Variants in MBOAT1 observed in about 807,000 individuals in gnomAD.
MBOAT1 encodes the protein membrane bound glycerophospholipid O-acyltransferase 1, also known as membrane-bound glycerophospholipid O-acyltransferase 1.
Under a neutral mutation model 64.4 loss-of-function variants are expected in MBOAT1, and 67 were observed. The ratio of observed to expected loss-of-function variants is 1.04; its 90% confidence interval spans 0.85 to 1.27. MBOAT1 has a LOEUF of 1.27. Among genes scored for constraint, MBOAT1 ranks in the 50% most tolerant of loss-of-function variants. The pLI, the probability that MBOAT1 is intolerant of heterozygous loss-of-function variation, is 0.00. For missense variants in MBOAT1, 563 were observed against 604.6 expected, an observed-to-expected ratio of 0.93 and a Z score of 0.72; for synonymous variants, 229 against 218.9, an observed-to-expected ratio of 1.05 and a Z score of -0.41.
chr6:20,109,726 G>A lies in MBOAT1; in HGVS notation c.1233C>T (p.Tyr411=). The change falls in exon 12 of 13, where the codon TAC becomes TAT. Residue 411 remains tyrosine (Y), a synonymous_variant. Coordinates refer to ENST00000324607, the MANE Select transcript of MBOAT1 (RefSeq NM_001080480.3). The part of the protein sequence containing the change: ...ARAVRNNYRH[Y]FLSSRALKAV... ...CCTTGAGAGCTCTTGAAGAAAGGAA[G>A]TAATGTCTGTAGTTGTTCCTGACCT... 1 of 1,614,056 alleles carries A rather than the reference G, an allele frequency of 6.2e-7. No homozygotes were observed. The highest frequency in any genetic ancestry group is 8.5e-7 in the Non-Finnish European group (1 of 1,179,974).
At chr6:20,168,533 G>GAGAGGAGAGA (rs1762080298) in intron 1 of MBOAT1, among the ~76,000 whole-genome samples, 1 of 139,284 alleles carries the variant, frequency 7.2e-6, no homozygotes, top group African/African-American at 2.8e-5. Context: ...GAGAGAAGAG[G>GAGAGGAGAGA]AGAGGAGAGG....
chr6:20,189,049 C>T (rs1762732840), intron 1 of MBOAT1, among the ~76,000 whole-genome samples: 1 of 152,022 alleles, frequency 6.6e-6, no homozygotes, highest in Non-Finnish European at 1.5e-5. Flanking sequence ...CACACAGAGC[C>T]CAGGAACCCA....
At chr6:20,211,872 A>G (rs1157416921) in intron 1 of MBOAT1, among the ~76,000 whole-genome samples, 1 of 152,084 alleles carries the variant, frequency 6.6e-6, no homozygotes, top group Non-Finnish European at 1.5e-5. Context: ...CCCAAACTTA[A>G]AGAAAAAAAA....
At chr6:20,135,247 G>T (rs896052634) in intron 4 of MBOAT1, among the ~76,000 whole-genome samples, 2 of 151,994 alleles carry the variant, frequency 1.3e-5, no homozygotes, top group African/African-American at 4.8e-5. Flanking sequence ...AAAATCTTAT[G>T]TTTCTTCTTG....
rs1430802922 is a variant in MBOAT1, at chr6:20,099,905, T to C, written c.*2381A>G. 6.6e-6 allele frequency among the ~76,000 whole-genome samples: 1 copy of C among 152,214 alleles called. No homozygotes were observed. The highest frequency in any genetic ancestry group is 1.5e-5 in the Non-Finnish European group (1 of 68,034). On this transcript the variant is annotated 3_prime_UTR_variant, in exon 13 of 13. Transcript: ENST00000324607. Reference sequence around the variant, plus strand: ...TCAGAAGAAAAAGGATGCTAATCAGTCTCCTATGTGTTGTTCTTTTTATAC... The same window carrying C: ...TCAGAAGAAAAAGGATGCTAATCAGCCTCCTATGTGTTGTTCTTTTTATAC...
At chr6:20,142,559 C>CAT (rs1302266755) in intron 4 of MBOAT1, among the ~76,000 whole-genome samples, 1 of 152,152 alleles carries the variant, frequency 6.6e-6, no homozygotes, top group African/African-American at 2.4e-5. Flanking sequence ...AAGTGATTCT[C>CAT]ATGCCTCAGC....
chr6:20,160,042 T>C (rs1008038658), intron 1 of MBOAT1, among the ~76,000 whole-genome samples: 6 of 152,158 alleles, frequency 3.9e-5, no homozygotes, highest in Non-Finnish European at 7.3e-5. Flanking sequence ...AAGACTGACA[T>C]AGCTCAGATT....
chr6:20,102,208 C>A lies in MBOAT1; in HGVS notation c.*78G>T, dbSNP rs80284069. 32 of 1,490,588 alleles carry A rather than the reference C, an allele frequency of 2.1e-5. No individual in the cohort carries two copies. Among genetic ancestry groups the A allele is most frequent in the Non-Finnish European group, 2.7e-5 (30 of 1,102,822 alleles). The allele number at this position is 1,490,588 out of a possible 1,614,324, so 92.3% of individuals were successfully genotyped here. A position where few individuals can be genotyped will look rare whatever the true frequency, so the allele number is the denominator to read the frequency against. On this transcript the variant is annotated 3_prime_UTR_variant, in exon 13 of 13. Coordinates refer to ENST00000324607, the MANE Select transcript of MBOAT1 (RefSeq NM_001080480.3). ...CATGTAAACATCGCCTCTAAGCCAC[C>A]GGAGGAGCCCTTGAAGCCTTGTCAT...
intron 4 of MBOAT1, among the ~76,000 whole-genome samples, chr6:20,132,245 T>C (rs945451189): frequency 6.6e-6 from 1 of 152,124 alleles, no homozygotes; most frequent in Non-Finnish European, 1.5e-5. Context: ...AAGAGCTGGT[T>C]TGGGAGATAC....
At chr6:20,127,882 C>T (rs373449677) in intron 6 of MBOAT1, among the ~76,000 whole-genome samples, 25 of 152,272 alleles carry the variant, frequency 1.6e-4, no homozygotes, top group African/African-American at 5.3e-4. Context: ...AAACTGGTCC[C>T]AAACAGGTTG....
At chr6:20,199,756 T>G (rs746914742) in intron 1 of MBOAT1, among the ~76,000 whole-genome samples, 15 of 152,088 alleles carry the variant, frequency 9.9e-5, no homozygotes, top group Non-Finnish European at 1.8e-4. Context: ...GATCACAAGG[T>G]CAGGAGTTTG....
chr6:20,161,335 T>C (rs111476171), intron 1 of MBOAT1, among the ~76,000 whole-genome samples: 3 of 151,676 alleles, frequency 2.0e-5, no homozygotes, highest in African/African-American at 7.3e-5. Flanking sequence ...TTATGGTGAG[T>C]TGTATAATTA....
intron 1 of MBOAT1, among the ~76,000 whole-genome samples, chr6:20,175,763 C>T (rs1030022897): frequency 1.3e-5 from 2 of 151,916 alleles, no homozygotes; most frequent in Non-Finnish European, 2.9e-5. Context: ...TGAGCCACTG[C>T]ACCTGGCCTT....
At chr6:20,195,357 T>G (rs908601420) in intron 1 of MBOAT1, among the ~76,000 whole-genome samples, 2 of 152,242 alleles carry the variant, frequency 1.3e-5, no homozygotes, top group Middle Eastern at 3.2e-3. Context: ...TTGGCTCCTA[T>G]GTCCATTTGA....
At chr6:20,117,087 C>T (rs1760346432) in intron 9 of MBOAT1, among the ~76,000 whole-genome samples, 1 of 152,204 alleles carries the variant, frequency 6.6e-6, no homozygotes. Flanking sequence ...TGTCCACTTA[C>T]AATGTGGTCC....
chr6:20,103,004 T>C (rs764087247), intron 12 of MBOAT1, among the ~76,000 whole-genome samples: 2 of 152,242 alleles, frequency 1.3e-5, no homozygotes, highest in Non-Finnish European at 2.9e-5. Context: ...ACATAGTACT[T>C]GATAATGACA....
intron 1 of MBOAT1, among the ~76,000 whole-genome samples, chr6:20,193,604 CT>C (rs367932037): frequency 5.7e-3 from 738 of 129,714 alleles, no homozygotes; most frequent in Middle Eastern, 8.2e-3. Flanking sequence ...ACCAAAAATC[CT>C]TTTTTTTTTT....
At chr6:20,126,904 G>C (rs969764233) in intron 6 of MBOAT1, among the ~76,000 whole-genome samples, 1 of 152,178 alleles carries the variant, frequency 6.6e-6, no homozygotes, top group African/African-American at 2.4e-5. Flanking sequence ...CAGGCACAGA[G>C]CTCCATGCTG....
In MBOAT1 at chr6:20,131,208, A is replaced by C. The variant is rs554989747; in HGVS notation, c.420-9T>G. 6 of 1,613,188 alleles carry C rather than the reference A, an allele frequency of 3.7e-6. No individual in the cohort carries two copies. The South Asian group carries it at 6.6e-5, about 18-fold the overall frequency. On this transcript the variant is annotated splice_polypyrimidine_tract_variant and intron_variant, in intron 4 of 12. Coordinates refer to ENST00000324607, the MANE Select transcript of MBOAT1 (RefSeq NM_001080480.3). Reference sequence around the variant, plus strand: ...TGACAATCATCAGAGGCCTGGAAGGAAGACAGAAAATAATCAAGATTGGCA... The same window carrying C: ...TGACAATCATCAGAGGCCTGGAAGGCAGACAGAAAATAATCAAGATTGGCA...
Sources: gnomAD v4.1 joint callset for allele counts (sites outside exome capture counted in the v4.1 genomes callset) on GRCh38, gnomAD v4.1.1 for gene constraint, MANE v1.5 for transcripts, NCBI Gene and HGNC (gene_info 2026-07-23, HGNC 2026-07-21) for gene names.